ABL1: variants seen among roughly 807,000 people sequenced by gnomAD.
ABL1 encodes ABL proto-oncogene 1, non-receptor tyrosine kinase.
Under a neutral mutation model 94.7 loss-of-function variants are expected in ABL1, and 11 were observed. The observed-to-expected ratio is 0.12, with a 90% CI of 0.07 to 0.19. The LOEUF (loss-of-function observed/expected upper bound fraction) is 0.19, where lower values mean the gene tolerates loss of function less well. Among genes scored for constraint, ABL1 ranks in the 10% least tolerant of loss-of-function variants. The pLI, the probability that ABL1 is intolerant of heterozygous loss-of-function variation, is 1.00. For missense variants in ABL1, 1,082 were observed against 1,489.4 expected (o/e 0.73, Z 4.50); for synonymous variants, 656 against 622.4 (o/e 1.05, Z -0.80).
intron 8 of ABL1, 112 bp downstream of exon 8, chr9:130,878,679 C>A: frequency 7.7e-7 from 1 of 1,299,682 alleles, no homozygotes; most frequent in Non-Finnish European, 1.1e-6. Context: ...CTCTCCATTC[C>A]AGTTCTTCAG....
At chr9:130,750,320 C>T (rs1035904595) in intron 1 of ABL1, among the ~76,000 whole-genome samples, 3 of 146,938 alleles carry the variant, frequency 2.0e-5, no homozygotes, top group Non-Finnish European at 3.0e-5. Context: ...TAAGTTTTGT[C>T]AGTTGAACAG....
At chr9:130,786,851 A>G (rs1423960675) in intron 1 of ABL1, among the ~76,000 whole-genome samples, 1 of 151,284 alleles carries the variant, frequency 6.6e-6, no homozygotes, top group Non-Finnish European at 1.5e-5. Context: ...TTAATAAGTG[A>G]AAAAAACATC....
intron 1 of ABL1, among the ~76,000 whole-genome samples, chr9:130,852,651 G>T (rs1830889249): frequency 6.6e-6 from 1 of 151,920 alleles, no homozygotes; most frequent in African/African-American, 2.4e-5. Flanking sequence ...TTATCACAAA[G>T]AAATTCTGGA....
At chr9:130,875,750 G>A (rs527369982) in intron 7 of ABL1, among the ~76,000 whole-genome samples, 35 of 152,034 alleles carry the variant, frequency 2.3e-4, no homozygotes, top group Non-Finnish European at 4.4e-4. Context: ...CAGGGGAGAT[G>A]GTGTGCCCTT....
At chr9:130,719,221 G>A (rs1303579967) in intron 1 of ABL1, among the ~76,000 whole-genome samples, 6 of 151,880 alleles carry the variant, frequency 4.0e-5, no homozygotes, top group East Asian at 3.9e-4. Context: ...CTTATAATAC[G>A]AAAAATTCGA....
chr9:130,765,243 T>C (rs1832167418), intron 1 of ABL1, among the ~76,000 whole-genome samples: 1 of 152,296 alleles, frequency 6.6e-6, no homozygotes, highest in Non-Finnish European at 1.5e-5. Flanking sequence ...CATCAGCTTC[T>C]CAAGGGGTTT....
chr9:130,746,548 T>C (rs1001497946), intron 1 of ABL1, among the ~76,000 whole-genome samples: 1 of 150,874 alleles, frequency 6.6e-6, no homozygotes, highest in African/African-American at 2.4e-5. Flanking sequence ...CCTTTTGAGA[T>C]TGGCTTCTTT....
chr9:130,782,126 T>C (rs34721083), intron 1 of ABL1, among the ~76,000 whole-genome samples: 1 of 151,884 alleles, frequency 6.6e-6, no homozygotes, highest in Non-Finnish European at 1.5e-5. Flanking sequence ...TGGTGTGATC[T>C]CGGCTTACTG....
chr9:130,775,428 A>C (rs1004748872), intron 1 of ABL1, among the ~76,000 whole-genome samples: 2 of 152,246 alleles, frequency 1.3e-5, no homozygotes, highest in African/African-American at 4.8e-5. Context: ...TATGAAGAAA[A>C]ATCAAATAAT....
chr9:130,833,955 C>G (rs1830525282), upstream of ABL1: 2 of 450,236 alleles, frequency 4.4e-6, no homozygotes, highest in Non-Finnish European at 9.0e-6. Context: ...ATATCCAATG[C>G]TTTAATCCAC....
chr9:130,809,957 C>G (rs1413297193), intron 1 of ABL1, among the ~76,000 whole-genome samples: 1 of 152,162 alleles, frequency 6.6e-6, no homozygotes, highest in African/African-American at 2.4e-5. Flanking sequence ...CAAACCTTTT[C>G]CAAACAAAAG....
At chr9:130,715,551 C>T (rs1390162957) in intron 1 of ABL1, among the ~76,000 whole-genome samples, 2 of 152,148 alleles carry the variant, frequency 1.3e-5, no homozygotes, top group Non-Finnish European at 2.9e-5. Flanking sequence ...TGCCTTGAAA[C>T]ATTAGTTCTA....
chr9:130,742,246 A>G (rs558511790), intron 1 of ABL1, among the ~76,000 whole-genome samples: 1 of 152,308 alleles, frequency 6.6e-6, no homozygotes, highest in South Asian at 2.1e-4. Context: ...TATGCTCAGC[A>G]GTGAGTCACG....
chr9:130,735,963 T>A (rs370746428), intron 1 of ABL1, among the ~76,000 whole-genome samples: 2,395 of 77,690 alleles, frequency 0.031, 36 homozygotes, highest in Middle Eastern at 0.04. Flanking sequence ...ATATATATAT[T>A]TTTTTTTTTT....
chr9:130,837,595 CCTT>C (rs1456954691), intron 1 of ABL1, among the ~76,000 whole-genome samples: 8 of 151,358 alleles, frequency 5.3e-5, no homozygotes, highest in African/African-American at 1.7e-4. Context: ...TTGGGTTAAA[CCTT>C]CTTCTAGGAA....
At chr9:130,789,684 T>C (rs1282464465) in intron 1 of ABL1, among the ~76,000 whole-genome samples, 1 of 152,234 alleles carries the variant, frequency 6.6e-6, no homozygotes, top group Admixed American at 6.5e-5. Context: ...ATTGAAAATA[T>C]GAGGAAAGAG....
chr9:130,797,235 C>T (rs1456409331), intron 1 of ABL1, among the ~76,000 whole-genome samples: 2 of 46,756 alleles, frequency 4.3e-5, no homozygotes, highest in Non-Finnish European at 6.8e-5. Context: ...GACTCCATCT[C>T]GAAAAAAAAA....
intron 1 of ABL1, among the ~76,000 whole-genome samples, chr9:130,781,355 G>T (rs2132784750): frequency 6.6e-6 from 1 of 152,264 alleles, no homozygotes; most frequent in Admixed American, 6.5e-5. Context: ...TTGCCCGTGT[G>T]GGTGCCCCAT....
At chr9:130,750,157 G>T (rs1831936876) in intron 1 of ABL1, among the ~76,000 whole-genome samples, 1 of 140,006 alleles carries the variant, frequency 7.1e-6, no homozygotes, top group South Asian at 2.3e-4. Flanking sequence ...CTCCAGCCTG[G>T]ACAACAGAGA....
Sources: gnomAD v4.1 joint callset for allele counts (sites outside exome capture counted in the v4.1 genomes callset) on GRCh38, gnomAD v4.1.1 for gene constraint, MANE v1.5 for transcripts, NCBI Gene and HGNC (gene_info 2026-07-23, HGNC 2026-07-21) for gene names.